MACROD2: variants seen among roughly 807,000 people sequenced by gnomAD.
The protein encoded by MACROD2 is ADP-ribose glycohydrolase MACROD2.
In MACROD2, 36 loss-of-function variants were observed where a neutral mutation model predicts 70.4. The ratio of observed to expected loss-of-function variants is 0.51; its 90% CI spans 0.39 to 0.68. MACROD2 has a LOEUF of 0.68. Ranked by LOEUF, MACROD2 falls within the 30% of genes least tolerant of loss-of-function variation. MACROD2 has a pLI of 0.00. For synonymous variants in MACROD2, 172 were observed against 178.8 expected, an observed-to-expected ratio of 0.96 and a Z score of 0.30; for missense variants, 496 against 538.4, an observed-to-expected ratio of 0.92 and a Z score of 0.78.
At chr20:15,670,696 C>T (rs10485536) in intron 8 of MACROD2, among the ~76,000 whole-genome samples, 6,511 of 152,148 alleles carry the variant, frequency 0.043, 485 homozygotes, top group African/African-American at 0.15. Context: ...CCTAGGGCAG[C>T]GACCTCAAAT....
rs868466716 is a variant in MACROD2, at chr20:15,804,888, C to A, written c.646-57857C>A. ...CCATGAGTGGCTTTCAACCCATGAT[C>A]AATAGGGATGATTCCTGCATGCCTC... On this transcript the variant is annotated intron_variant, in intron 8 of 17. Coordinates refer to ENST00000684519, the MANE Select transcript of MACROD2 (RefSeq NM_001351661.2). 6.6e-5 allele frequency among the ~76,000 whole-genome samples: 10 copies of A among 152,280 alleles called. No individual in the cohort carries two copies. The South Asian group carries it at 2.1e-3, about 32-fold the overall frequency.
At chr20:14,907,830 A>G (rs1311943574) in intron 5 of MACROD2, among the ~76,000 whole-genome samples, 1 of 152,098 alleles carries the variant, frequency 6.6e-6, no homozygotes, top group Non-Finnish European at 1.5e-5. Flanking sequence ...TTTATTGTTC[A>G]TCTGTTTTTG....
chr20:14,934,659 T>C (rs2423855), intron 5 of MACROD2, among the ~76,000 whole-genome samples: 42,257 of 151,880 alleles, frequency 0.28, 6,048 homozygotes, highest in African/African-American at 0.32. Flanking sequence ...TGGTGGCATG[T>C]GCCTGTAATC....
chr20:15,117,062 A>G (rs1261836884), intron 5 of MACROD2, among the ~76,000 whole-genome samples: 1 of 152,194 alleles, frequency 6.6e-6, no homozygotes, highest in Non-Finnish European at 1.5e-5. Flanking sequence ...CCTAAGAATG[A>G]CCATGCTAAA....
intron 7 of MACROD2, among the ~76,000 whole-genome samples, chr20:15,448,818 A>G (rs547890587): frequency 7.9e-5 from 12 of 152,258 alleles, no homozygotes; most frequent in African/African-American, 2.9e-4. Flanking sequence ...CTTTTCTTAT[A>G]GGACATACAA....
At chr20:16,048,466 CAT>C (rs2067414093) in intron 17 of MACROD2, among the ~76,000 whole-genome samples, 2 of 152,160 alleles carry the variant, frequency 1.3e-5, no homozygotes, top group South Asian at 4.2e-4. Context: ...ATAACCAAGA[CAT>C]GTTAAGTTCA....
chr20:14,219,413 T>A (rs1238326984), intron 3 of MACROD2, among the ~76,000 whole-genome samples: 1 of 152,182 alleles, frequency 6.6e-6, no homozygotes, highest in Admixed American at 6.5e-5. Context: ...ATCTATTTCC[T>A]TGAATATTTC....
intron 8 of MACROD2, among the ~76,000 whole-genome samples, chr20:15,570,319 A>G (rs1451549171): frequency 2.0e-5 from 3 of 152,170 alleles, no homozygotes; most frequent in Admixed American, 6.6e-5. Context: ...TTCTTCATGT[A>G]GCTCTTAGAA....
chr20:16,009,969 AG>A (rs1176012442), intron 15 of MACROD2, among the ~76,000 whole-genome samples: 3 of 152,152 alleles, frequency 2.0e-5, no homozygotes, highest in Non-Finnish European at 2.9e-5. Flanking sequence ...TGGGAGAGAC[AG>A]TGGTATGTCT....
intron 8 of MACROD2, among the ~76,000 whole-genome samples, chr20:15,586,480 G>A (rs1022945719): frequency 1.1e-4 from 17 of 152,132 alleles, no homozygotes; most frequent in Non-Finnish European, 2.1e-4. Flanking sequence ...TTATTTACCT[G>A]GCTTAAAAGT....
In MACROD2 at chr20:14,822,399, GTAAAC is replaced by G. The variant is rs536052908; in HGVS notation, c.418+137442_418+137446del. ...CATTTGTATAATATTCTACTTAATA[GTAAAC>G]TCTGCCATTCACAGTGTCCCCTTTC... is the stretch of plus-strand genomic sequence containing the variant. On this transcript the variant is annotated intron_variant, in intron 5 of 17. Transcript: ENST00000684519. Among the ~76,000 whole-genome samples the G allele has an allele frequency of 3.7e-4, 56 of 152,122 alleles. No homozygotes were observed. In the Middle Eastern group the frequency reaches 0.017, roughly 46 times the overall value.
At chr20:14,506,443 A>T (rs1377565567) in intron 4 of MACROD2, among the ~76,000 whole-genome samples, 1 of 152,190 alleles carries the variant, frequency 6.6e-6, no homozygotes, top group Non-Finnish European at 1.5e-5. Context: ...TTTGTGCAAA[A>T]GGACTATCCA....
intron 4 of MACROD2, among the ~76,000 whole-genome samples, chr20:14,609,084 C>A (rs2086815352): frequency 6.6e-6 from 1 of 151,820 alleles, no homozygotes. Flanking sequence ...CAATGGGAAG[C>A]CATTAGAGGC....
At chr20:14,181,068 A>ATT (rs59164079) in intron 3 of MACROD2, among the ~76,000 whole-genome samples, 26 of 136,644 alleles carry the variant, frequency 1.9e-4, no homozygotes, top group African/African-American at 6.2e-4. Flanking sequence ...CTGTCATTAC[A>ATT]TTTTTTTTTT....
intron 4 of MACROD2, among the ~76,000 whole-genome samples, chr20:14,655,583 G>A (rs1985931635): frequency 6.6e-6 from 1 of 151,882 alleles, no homozygotes; most frequent in South Asian, 2.1e-4. Context: ...GCTATAAGAG[G>A]AATTTTTTAG....
intron 3 of MACROD2, among the ~76,000 whole-genome samples, chr20:14,318,866 A>G (rs1197594983): frequency 2.0e-5 from 3 of 152,072 alleles, no homozygotes; most frequent in Non-Finnish European, 4.4e-5. Flanking sequence ...TTTGGGTTCC[A>G]ATTTCCCATG....
At chr20:15,497,761 C>T (rs2047316671) in intron 7 of MACROD2, among the ~76,000 whole-genome samples, 1 of 152,104 alleles carries the variant, frequency 6.6e-6, no homozygotes, top group South Asian at 2.1e-4. Context: ...CTATTATTTC[C>T]TGCAAGCCTC....
intron 8 of MACROD2, among the ~76,000 whole-genome samples, chr20:15,578,521 A>T (rs1461522021): frequency 2.1e-4 from 6 of 28,930 alleles, no homozygotes; most frequent in Admixed American, 1.6e-3. Flanking sequence ...GCTTTCAGTT[A>T]TAGTTAAAAG....
intron 15 of MACROD2, among the ~76,000 whole-genome samples, chr20:16,014,096 G>C (rs6074993): frequency 0.11 from 17,228 of 152,258 alleles, 1,261 homozygotes; most frequent in Middle Eastern, 0.19. Flanking sequence ...TTTTAGAATA[G>C]AAAGTGTCAG....
Sources: allele counts gnomAD v4.1 joint callset (sites outside exome capture counted in the v4.1 genomes callset), GRCh38; gene constraint gnomAD v4.1.1; transcripts MANE v1.5; gene names NCBI Gene and HGNC (gene_info 2026-07-23, HGNC 2026-07-21).